The following SLC24A3 variants were observed in gnomAD, a reference collection of about 807,000 sequenced individuals.
The protein encoded by SLC24A3 is solute carrier family 24 member 3.
SLC24A3 carries 28 observed loss-of-function variants against 75.8 expected under a neutral mutation model. That is an observed-to-expected ratio of 0.37 (90% CI 0.27 to 0.51). The LOEUF (loss-of-function observed/expected upper bound fraction) is 0.51, where lower values mean the gene tolerates loss of function less well. Ranked by LOEUF, SLC24A3 falls within the 20% of genes least tolerant of loss-of-function variation. The pLI, the probability that SLC24A3 is intolerant of heterozygous loss-of-function variation, is 0.94. For synonymous variants in SLC24A3, 372 were observed against 334.1 expected (o/e 1.11, Z -1.24); for missense variants, 663 against 847.8 (o/e 0.78, Z 2.71).
At position 19,673,452 on chromosome 20, in the gene SLC24A3, T is replaced by G. The variant is rs576890767; in HGVS notation, c.714-149T>G. On this transcript the variant is annotated intron_variant, in intron 8 of 16. Transcript: ENST00000328041. ...ACAGCCTTATGCAGCATAGAGAATG[T>G]CTCTAGACCAGGAAATATCCGTCAC... 6.2e-6 allele frequency: 4 copies of G among 649,102 alleles called. No homozygotes were observed. The Admixed American group carries it at 1.0e-4, about 17-fold the overall frequency. The allele number at this position is 649,102 out of a possible 1,614,324, so 40.2% of individuals were successfully genotyped here.
chr20:19,362,263 C>T (rs1444587923), intron 2 of SLC24A3, among the ~76,000 whole-genome samples: 2 of 152,164 alleles, frequency 1.3e-5, no homozygotes, highest in African/African-American at 4.8e-5. Context: ...TACCTTTATC[C>T]TGGCTTTATC....
At chr20:19,494,666 A>G (rs1460948044) in intron 2 of SLC24A3, among the ~76,000 whole-genome samples, 1 of 152,118 alleles carries the variant, frequency 6.6e-6, no homozygotes, top group Non-Finnish European at 1.5e-5. Flanking sequence ...AGCCTGGACT[A>G]GGGTCTTCCT....
chr20:19,276,893 C>T (rs1423886439), intron 1 of SLC24A3, among the ~76,000 whole-genome samples: 1 of 150,610 alleles, frequency 6.6e-6, no homozygotes, highest in East Asian at 1.9e-4. Context: ...GACCATGTCT[C>T]TAATTAAAAA....
chr20:19,663,428 CTCCTCCGCCTTCTCATCCTCCTCCACT>C (rs2032356699), intron 7 of SLC24A3, among the ~76,000 whole-genome samples: 1 of 96,042 alleles, frequency 1.0e-5, no homozygotes, highest in African/African-American at 6.8e-5. Flanking sequence ...CCTCCTCCTC[CTCCTCCGCCTTCTCATCCTCCTCCACT>C]TCCTCCTCCT....
At chr20:19,693,076 G>C (rs1182344903) in intron 12 of SLC24A3, 183 bp from the exon 13 acceptor site, 1 of 605,290 alleles carries the variant, frequency 1.7e-6, no homozygotes, top group Non-Finnish European at 2.7e-6. Context: ...ATTCTGTTTG[G>C]TGTTGCATGT....
intron 6 of SLC24A3, among the ~76,000 whole-genome samples, chr20:19,612,640 G>T (rs1319740027): frequency 6.7e-6 from 1 of 150,278 alleles, no homozygotes; most frequent in Admixed American, 6.6e-5. Context: ...GTGTGTGTGT[G>T]TAAAATAAAT....
At chr20:19,631,982 CCA>C (rs139146629) in intron 6 of SLC24A3, among the ~76,000 whole-genome samples, 8 of 152,174 alleles carry the variant, frequency 5.3e-5, no homozygotes, top group African/African-American at 1.7e-4. Flanking sequence ...ATGGCAGTAA[CCA>C]CACACACCTA....
chr20:19,608,128 A>C (rs1189952167), intron 6 of SLC24A3, among the ~76,000 whole-genome samples: 1 of 152,228 alleles, frequency 6.6e-6, no homozygotes, highest in African/African-American at 2.4e-5. Context: ...TGGTTTCCCC[A>C]GGTGGACACA....
Position 19,684,331 on chromosome 20 carries a change from A to G in SLC24A3, c.1057A>G (p.Asn353Asp). The G allele has an allele frequency of 3.7e-6, 6 of 1,613,428 alleles. No individual in the cohort carries two copies. Among genetic ancestry groups the G allele is most frequent in the Non-Finnish European group, 5.1e-6 (6 of 1,179,692 alleles). Reference sequence around the variant, plus strand: ...CTCCATGGCCAGTCGCATGTTGATCAATGAGGTACCTGGGAAAGCACTGTC... The same window carrying G: ...CTCCATGGCCAGTCGCATGTTGATCGATGAGGTACCTGGGAAAGCACTGTC... ...RLSMASRMLI[N>D]ERQRLINSRA... Residue 353 changes from asparagine to aspartate, a missense_variant, in exon 11 of 17, where the codon AAT becomes GAT. By Grantham distance (23) the Asn-to-Asp change is conservative. Transcript: ENST00000328041.
intron 3 of SLC24A3, among the ~76,000 whole-genome samples, chr20:19,527,626 G>A (rs969989328): frequency 6.6e-6 from 1 of 152,172 alleles, no homozygotes. Flanking sequence ...CCAGTGGCAT[G>A]CCCTGTCTCT....
intron 1 of SLC24A3, among the ~76,000 whole-genome samples, chr20:19,263,033 T>TTGTGTGTGTGTGTGTGTG (rs11473481): frequency 7.0e-6 from 1 of 143,140 alleles, no homozygotes; most frequent in Non-Finnish European, 1.5e-5. Flanking sequence ...ACTCCAGCCT[T>TTGTGTGTGTGTGTGTGTG]TGTGTGTGTG....
intron 6 of SLC24A3, among the ~76,000 whole-genome samples, chr20:19,645,818 C>T (rs1043416518): frequency 6.6e-6 from 1 of 152,192 alleles, no homozygotes; most frequent in African/African-American, 2.4e-5. Context: ...CTGTGAGAGG[C>T]CAAAGCAGAT....
At chr20:19,607,716 A>G (rs2031615577) in intron 6 of SLC24A3, among the ~76,000 whole-genome samples, 1 of 151,768 alleles carries the variant, frequency 6.6e-6, no homozygotes, top group Non-Finnish European at 1.5e-5. Context: ...TACACTCCAG[A>G]CCTCCACTCT....
At chr20:19,668,236 T>A (rs867803965) in intron 8 of SLC24A3, among the ~76,000 whole-genome samples, 1 of 152,228 alleles carries the variant, frequency 6.6e-6, no homozygotes, top group Non-Finnish European at 1.5e-5. Flanking sequence ...TTATCTACTT[T>A]GGGACTCCCG....
chr20:19,600,672 T>G (rs1600297876), intron 6 of SLC24A3, among the ~76,000 whole-genome samples: 1 of 152,168 alleles, frequency 6.6e-6, no homozygotes, highest in Admixed American at 6.5e-5. Context: ...CTTAAAAATA[T>G]TTTAGAAATG....
chr20:19,663,453 ACTT>A (rs1568689637), intron 7 of SLC24A3, among the ~76,000 whole-genome samples: 7 of 11,442 alleles, frequency 6.1e-4, no homozygotes, highest in African/African-American at 1.5e-3. Context: ...ATCCTCCTCC[ACTT>A]CCTCCTCCTC....
intron 1 of SLC24A3, among the ~76,000 whole-genome samples, chr20:19,217,166 G>C (rs1213748058): frequency 6.6e-6 from 1 of 152,254 alleles, no homozygotes; most frequent in Non-Finnish European, 1.5e-5. Flanking sequence ...ATAAGTCACA[G>C]TCACAGAATG....
At position 19,681,911 on chromosome 20, in the gene SLC24A3, A is replaced by G. The variant is rs753494102; in HGVS notation, c.821A>G (p.Asn274Ser). 9.9e-6 allele frequency: 16 copies of G among 1,614,190 alleles called. No homozygotes were observed. In the South Asian group the frequency reaches 1.4e-4, roughly 14 times the overall value. ...CFERRTKGAG[N>S]MVNGLANNAE... is the part of the protein sequence containing the mutation. ...GAGAGGAGGACAAAAGGTGCCGGGA[A>G]CATGGTCAACGGATTGGCCAACAAT... Residue 274 changes from asparagine to serine, a missense_variant, in exon 10 of 17, where the codon AAC becomes AGC. Asn to Ser is a conservative substitution (Grantham distance 46). Around this residue, in one of 2 missense-constraint regions of SLC24A3, gnomAD observed 510 missense variants for 703.6 expected, o/e 0.72. Coordinates refer to ENST00000328041, the MANE Select transcript of SLC24A3 (RefSeq NM_020689.4).
chr20:19,391,637 C>T (rs1057024944), intron 2 of SLC24A3, among the ~76,000 whole-genome samples: 2 of 152,144 alleles, frequency 1.3e-5, no homozygotes, highest in Admixed American at 1.3e-4. Flanking sequence ...AATTTGGAGG[C>T]ACTCTCAAGT....
Sources: allele counts gnomAD v4.1 joint callset (sites outside exome capture counted in the v4.1 genomes callset), GRCh38; gene constraint gnomAD v4.1.1; regional missense constraint gnomAD v4.1.1; transcripts MANE v1.5; gene names NCBI Gene and HGNC (gene_info 2026-07-23, HGNC 2026-07-21).